Variants in NALF1 observed in about 807,000 individuals in gnomAD.
NALF1 encodes NALCN channel auxiliary factor 1.
A neutral mutation model predicts 48.4 loss-of-function variants in NALF1; 3 were observed. The observed-to-expected ratio is 0.06, with a 90% CI of 0.03 to 0.16. The LOEUF is 0.16. Ranked by LOEUF, NALF1 falls within the 10% of genes least tolerant of loss-of-function variation. The pLI, the probability that NALF1 is intolerant of heterozygous loss-of-function variation, is 1.00. For synonymous variants in NALF1, 262 were observed against 245.7 expected, an observed-to-expected ratio of 1.07 and a Z score of -0.62; for missense variants, 526 against 571.5, an observed-to-expected ratio of 0.92 and a Z score of 0.81.
chr13:107,593,684 A>G (rs540941863), intron 1 of NALF1, among the ~76,000 whole-genome samples: 259 of 152,052 alleles, frequency 1.7e-3, no homozygotes, highest in Non-Finnish European at 2.3e-3. Context: ...TTTGCTTGAC[A>G]TCACACAGCT....
chr13:107,539,997 T>G (rs1297578726), intron 1 of NALF1, among the ~76,000 whole-genome samples: 1 of 151,024 alleles, frequency 6.6e-6, no homozygotes, highest in Admixed American at 6.6e-5. Context: ...TAAAATATCA[T>G]TAAAAACAAA....
At chr13:107,289,210 A>G (rs1356868827) in intron 1 of NALF1, among the ~76,000 whole-genome samples, 2 of 152,168 alleles carry the variant, frequency 1.3e-5, no homozygotes, top group Non-Finnish European at 2.9e-5. Context: ...ATAAAATCAT[A>G]ACCCCTCAGT....
chr13:107,312,182 AC>A (rs1882059061), intron 1 of NALF1, among the ~76,000 whole-genome samples: 1 of 152,092 alleles, frequency 6.6e-6, no homozygotes, highest in East Asian at 1.9e-4. Flanking sequence ...CAAATGTCCA[AC>A]AATGATAGAC....
intron 1 of NALF1, among the ~76,000 whole-genome samples, chr13:107,372,388 T>A (rs1362032383): frequency 6.6e-6 from 1 of 152,240 alleles, no homozygotes. Context: ...CAGCCATGAA[T>A]ATTGCAGGCA....
intron 1 of NALF1, chr13:107,321,098 T>C (rs1257870111): frequency 2.0e-5 from 3 of 151,916 alleles, no homozygotes; most frequent in African/African-American, 7.3e-5. Flanking sequence ...ATAGAAAAAG[T>C]TAAAGTGGGT....
Position 107,170,550 on chromosome 13 carries a change from G to T in NALF1, c.1324C>A (p.Leu442Met), listed in dbSNP as rs376423032. The T allele has an allele frequency of 1.2e-6, 2 of 1,613,744 alleles. No homozygotes were observed. The highest frequency in any genetic ancestry group is 8.5e-7 in the Non-Finnish European group (1 of 1,179,824). Residue 442 changes from leucine to methionine, a missense_variant, in exon 3 of 3, where the codon CTG (leucine) becomes ATG (methionine). Physicochemically the swap from Leu to Met is conservative, Grantham distance 15. This residue lies in a region of NALF1 where 153 missense variants were observed against 215.9 expected (regional missense o/e 0.71). Transcript: ENST00000375915. The part of the protein sequence containing the change: ...TASAAQNTAG[L>M]SFGGINTLEE... The stretch of plus-strand genomic sequence containing the variant: ...AGCGTGTTGATGCCTCCAAAGCTCA[G>T]TCCGGCTGTGTTCTGTGCTGCCGAG...
intron 1 of NALF1, among the ~76,000 whole-genome samples, chr13:107,692,147 T>A (rs900631619): frequency 6.6e-6 from 1 of 152,184 alleles, no homozygotes; most frequent in Non-Finnish European, 1.5e-5. Flanking sequence ...TATGGAACAT[T>A]CTTATTACTT....
chr13:107,458,973 G>C (rs1035174539), intron 1 of NALF1, among the ~76,000 whole-genome samples: 1 of 151,714 alleles, frequency 6.6e-6, no homozygotes, highest in Non-Finnish European at 1.5e-5. Flanking sequence ...AGGTACATCT[G>C]TTATAATTGA....
Position 107,166,996 on chromosome 13 carries a change from A to G in NALF1, c.*3501T>C, listed in dbSNP as rs1418386520. 6.6e-6 allele frequency: 1 copy of G among 152,226 alleles called. No individual in the cohort carries two copies. Among genetic ancestry groups the G allele is most frequent in the East Asian group, 1.9e-4 (1 of 5,200 alleles). 9.4% of individuals were successfully genotyped at this position (152,226 alleles called of 1,614,324 possible). On this transcript the variant is annotated 3_prime_UTR_variant, in exon 3 of 3. Transcript: ENST00000375915. ...AAATACTATCTTTTTAATGCAAGAA[A>G]AGTTCAATATAACGTATCACCAAAT...
At chr13:107,326,289 CT>C (rs999796004) in intron 1 of NALF1, among the ~76,000 whole-genome samples, 2 of 152,014 alleles carry the variant, frequency 1.3e-5, no homozygotes, top group Non-Finnish European at 2.9e-5. Flanking sequence ...CATTCTCCTT[CT>C]GATAAATGAG....
At position 107,166,998 on chromosome 13, in the gene NALF1, G is replaced by T. The variant is rs1319569580; in HGVS notation, c.*3499C>A. On this transcript the variant is annotated 3_prime_UTR_variant, in exon 3 of 3. Coordinates refer to ENST00000375915, the MANE Select transcript of NALF1 (RefSeq NM_001080396.3). The stretch of plus-strand genomic sequence containing the variant: ...ATACTATCTTTTTAATGCAAGAAAA[G>T]TTCAATATAACGTATCACCAAATGT... 6.6e-6 allele frequency: 1 copy of T among 152,106 alleles called. No homozygotes were observed. The highest frequency in any genetic ancestry group is 2.4e-5 in the African/African-American group (1 of 41,418). The allele number at this position is 152,106 out of a possible 1,614,324, so 9.4% of individuals were successfully genotyped here.
At chr13:107,861,580 C>G (rs535906043) in intron 1 of NALF1, among the ~76,000 whole-genome samples, 1 of 152,146 alleles carries the variant, frequency 6.6e-6, no homozygotes, top group South Asian at 2.1e-4. Context: ...GTCAGGAGAT[C>G]GAGACCATCC....
At chr13:107,551,553 C>A (rs150220490) in intron 1 of NALF1, among the ~76,000 whole-genome samples, 1 of 151,970 alleles carries the variant, frequency 6.6e-6, no homozygotes, top group African/African-American at 2.4e-5. Flanking sequence ...AATATTACAT[C>A]GAGTAAAGTT....
At chr13:107,802,707 T>G (rs1046449076) in intron 1 of NALF1, among the ~76,000 whole-genome samples, 1 of 152,134 alleles carries the variant, frequency 6.6e-6, no homozygotes, top group Non-Finnish European at 1.5e-5. Flanking sequence ...TGATGCTTAG[T>G]AGAGAGTATA....
At chr13:107,425,807 T>C (rs1052089110) in intron 1 of NALF1, among the ~76,000 whole-genome samples, 2 of 152,120 alleles carry the variant, frequency 1.3e-5, no homozygotes, top group African/African-American at 4.8e-5. Context: ...TGCACTATGA[T>C]ATTGGATATC....
At chr13:107,414,054 A>C (rs1436319718) in intron 1 of NALF1, among the ~76,000 whole-genome samples, 2 of 152,220 alleles carry the variant, frequency 1.3e-5, no homozygotes, top group Non-Finnish European at 2.9e-5. Context: ...CTGGCCTCCC[A>C]AAGTGCTGGG....
chr13:107,193,983 A>G (rs1244156847), intron 2 of NALF1, among the ~76,000 whole-genome samples: 1 of 151,894 alleles, frequency 6.6e-6, no homozygotes, highest in Non-Finnish European at 1.5e-5. Flanking sequence ...ATCTTTATAT[A>G]TCTCAACTTA....
At chr13:107,499,824 C>G (rs1281230807) in intron 1 of NALF1, among the ~76,000 whole-genome samples, 1 of 151,854 alleles carries the variant, frequency 6.6e-6, no homozygotes, top group Non-Finnish European at 1.5e-5. Context: ...TTATAGGTGA[C>G]TTTGAGATTT....
At chr13:107,222,919 C>T (rs555908252) in intron 1 of NALF1, among the ~76,000 whole-genome samples, 19 of 152,296 alleles carry the variant, frequency 1.2e-4, no homozygotes, top group African/African-American at 4.3e-4. Flanking sequence ...CTTAGCAACA[C>T]ATTCCTGTTC....
Sources: allele counts gnomAD v4.1 joint callset (sites outside exome capture counted in the v4.1 genomes callset), GRCh38; gene constraint gnomAD v4.1.1; regional missense constraint gnomAD v4.1.1; transcripts MANE v1.5; gene names NCBI Gene and HGNC (gene_info 2026-07-23, HGNC 2026-07-21).